Variants in ZHX3 observed in about 807,000 individuals in gnomAD.
The protein encoded by ZHX3 is zinc fingers and homeoboxes protein 3.
In ZHX3, 20 loss-of-function variants were observed where a neutral mutation model predicts 64.5. That is an observed-to-expected ratio of 0.31 (90% CI 0.22 to 0.45). The LOEUF is 0.45. ZHX3 is among the 20% of genes least tolerant of loss of function. The pLI is 1.00. For synonymous variants in ZHX3, 423 were observed against 461.6 expected (o/e 0.92, Z 1.07); for missense variants, 1,041 against 1,195.8 (o/e 0.87, Z 1.91).
At chr20:41,266,987 G>A (rs1224688997) in intron 2 of ZHX3, among the ~76,000 whole-genome samples, 2 of 151,622 alleles carry the variant, frequency 1.3e-5, no homozygotes, top group East Asian at 3.9e-4. Flanking sequence ...TGGGATTACA[G>A]GCGCCTGCCA....
chr20:41,264,134 C>A (rs987296299), intron 2 of ZHX3, among the ~76,000 whole-genome samples: 2 of 151,762 alleles, frequency 1.3e-5, no homozygotes, highest in Non-Finnish European at 2.9e-5. Flanking sequence ...CTAGGCCAGG[C>A]GCGGTGGCTC....
intron 2 of ZHX3, among the ~76,000 whole-genome samples, chr20:41,218,923 GTTTTTTTTTTTT>G (rs888061526): frequency 1.7e-4 from 16 of 92,574 alleles, no homozygotes; most frequent in South Asian, 1.2e-3. Flanking sequence ...AAACAGTGCT[GTTTTTTTTTTTT>G]TTTTTTTTTT....
At chr20:41,264,040 G>A (rs1216394814) in intron 2 of ZHX3, among the ~76,000 whole-genome samples, 2 of 152,112 alleles carry the variant, frequency 1.3e-5, no homozygotes. Flanking sequence ...CTAAATAGAT[G>A]AGTTTTTAAT....
chr20:41,313,832 G>A (rs561312914), intron 1 of ZHX3, among the ~76,000 whole-genome samples: 7 of 152,116 alleles, frequency 4.6e-5, no homozygotes, highest in Non-Finnish European at 8.8e-5. Context: ...TCCTGACCTC[G>A]TGATCTGCCC....
chr20:41,271,012 T>TAC (rs2043118883), intron 1 of ZHX3, among the ~76,000 whole-genome samples: 1 of 152,220 alleles, frequency 6.6e-6, no homozygotes, highest in South Asian at 2.1e-4. Flanking sequence ...CCACAGTCTC[T>TAC]ACAAAAGTAT....
intron 2 of ZHX3, among the ~76,000 whole-genome samples, chr20:41,218,880 A>AAGGCTAG (rs1206038286): frequency 2.0e-5 from 3 of 151,892 alleles, no homozygotes; most frequent in Non-Finnish European, 4.4e-5. Context: ...CCAAGGGCTC[A>AAGGCTAG]AGGCTAGAGC....
Position 41,202,544 on chromosome 20 carries a change from G to A in ZHX3, c.2373C>T (p.Asn791=), listed in dbSNP as rs756557325. The change falls in exon 3 of 4, where the codon AAC becomes AAT. Residue 791 remains asparagine, a synonymous_variant. Coordinates refer to ENST00000683867, the MANE Select transcript of ZHX3 (RefSeq NM_001384317.1). The surrounding 1 kb of genome is among the most constrained non-coding windows in gnomAD (Gnocchi z 7.0). ...QLFVQTQWPS[N]QDYDSIMAQT... Reference sequence around the variant, plus strand: ...GGGCCATGATGGAGTCATAGTCCTGGTTGCTTGGCCACTGTGTCTGGACAA... The same window carrying A: ...GGGCCATGATGGAGTCATAGTCCTGATTGCTTGGCCACTGTGTCTGGACAA... 8.7e-6 allele frequency: 14 copies of A among 1,614,010 alleles called. No individual in the cohort carries two copies. The South Asian group carries it at 1.5e-4, about 18-fold the overall frequency.
In ZHX3 at chr20:41,196,475, T is replaced by TTATATAAA. The variant is rs2037621402; in HGVS notation, c.2860+5581_2860+5582insTTTATATA. The stretch of plus-strand genomic sequence containing the variant: ...TAATATATTTATATATAATATATAT[T>TTATATAAA]TATATATTATAAATATATATTATAT... On this transcript the variant is annotated intron_variant, in intron 3 of 3. Transcript: ENST00000683867. 8.1e-5 allele frequency among the ~76,000 whole-genome samples: 3 copies of TTATATAAA among 37,108 alleles called. 1 individual carries two copies. The highest frequency in any genetic ancestry group is 4.3e-4 in the African/African-American group (3 of 7,036). 24.3% of individuals were successfully genotyped at this position (37,108 alleles called of 152,430 possible). A position where few individuals can be genotyped will look rare whatever the true frequency, so the allele number is the denominator to read the frequency against.
chr20:41,213,156 T>C (rs963347384), intron 2 of ZHX3, among the ~76,000 whole-genome samples: 1 of 151,972 alleles, frequency 6.6e-6, no homozygotes, highest in Non-Finnish European at 1.5e-5. Flanking sequence ...AAAAGGCAAA[T>C]CCATAGAGGC....
At chr20:41,214,748 T>A (rs2039402154) in intron 2 of ZHX3, among the ~76,000 whole-genome samples, 1 of 152,144 alleles carries the variant, frequency 6.6e-6, no homozygotes. Context: ...AAATCATTCA[T>A]CCAAAAGACA....
intron 1 of ZHX3, among the ~76,000 whole-genome samples, chr20:41,302,948 G>A (rs1448077130): frequency 6.6e-6 from 1 of 152,252 alleles, no homozygotes; most frequent in Non-Finnish European, 1.5e-5. Context: ...GGAGAGAAGG[G>A]AGAGGACTCT....
At chr20:41,312,840 C>T (rs2045181340) in intron 1 of ZHX3, among the ~76,000 whole-genome samples, 1 of 152,038 alleles carries the variant, frequency 6.6e-6, no homozygotes, top group African/African-American at 2.4e-5. Context: ...GATGCGAGTC[C>T]AAGTGCAGTG....
chr20:41,210,645 A>C (rs2146280673), intron 2 of ZHX3, among the ~76,000 whole-genome samples: 1 of 152,290 alleles, frequency 6.6e-6, no homozygotes, highest in African/African-American at 2.4e-5. Context: ...GGAACTGAAC[A>C]ATGAGAATAC....
intron 1 of ZHX3, among the ~76,000 whole-genome samples, chr20:41,305,106 A>AT (rs1375332985): frequency 7.9e-5 from 12 of 152,244 alleles, no homozygotes; most frequent in Non-Finnish European, 1.5e-4. Context: ...AAAAGGTCAC[A>AT]TTTTATGAGT....
In ZHX3 at chr20:41,178,522, T is replaced by C. The variant is rs2036129240; in HGVS notation, c.*6669A>G. The stretch of plus-strand genomic sequence containing the variant: ...TACCATTGAGGCCCATTTCAAATTG[T>C]ACAAGCAATTTGTCCGTGTTCCCCT... On this transcript the variant is annotated 3_prime_UTR_variant, in exon 4 of 4. Coordinates refer to ENST00000683867, the MANE Select transcript of ZHX3 (RefSeq NM_001384317.1). 6.5e-6 allele frequency: 1 copy of C among 152,686 alleles called. No individual in the cohort carries two copies. Among genetic ancestry groups the C allele is most frequent in the Non-Finnish European group, 1.5e-5 (1 of 68,044 alleles). The allele number at this position is 152,686 out of a possible 1,614,324, so 9.5% of individuals were successfully genotyped here. A position where few individuals can be genotyped will look rare whatever the true frequency, so the allele number is the denominator to read the frequency against.
chr20:41,227,953 C>A (rs1409851550), intron 2 of ZHX3, among the ~76,000 whole-genome samples: 2 of 152,148 alleles, frequency 1.3e-5, no homozygotes, highest in African/African-American at 2.4e-5. Context: ...CTGCCTCTGT[C>A]CCACTTATTC....
intron 2 of ZHX3, among the ~76,000 whole-genome samples, chr20:41,205,422 T>G (rs1180033050): frequency 6.6e-6 from 1 of 152,202 alleles, no homozygotes; most frequent in African/African-American, 2.4e-5. Context: ...GAACAAAAGA[T>G]CCTAGTGTAA....
chr20:41,275,233 C>A (rs1470427312), intron 1 of ZHX3, among the ~76,000 whole-genome samples: 1 of 152,046 alleles, frequency 6.6e-6, no homozygotes, highest in Non-Finnish European at 1.5e-5. Context: ...TGAAATAAAC[C>A]AGCACCAAAT....
intron 2 of ZHX3, among the ~76,000 whole-genome samples, chr20:41,239,231 G>C (rs973258901): frequency 6.6e-6 from 1 of 151,100 alleles, no homozygotes; most frequent in African/African-American, 2.4e-5. Context: ...GGATGCTCTC[G>C]GTCTCCTGAC....
Sources: allele counts gnomAD v4.1 joint callset (sites outside exome capture counted in the v4.1 genomes callset), GRCh38; gene constraint gnomAD v4.1.1; non-coding constraint Gnocchi (gnomAD v3.1); transcripts MANE v1.5; gene names NCBI Gene and HGNC (gene_info 2026-07-23, HGNC 2026-07-21).